Variants in MAD1L1 observed in about 807,000 individuals in gnomAD.
The protein encoded by MAD1L1 is mitotic arrest deficient 1 like 1.
In MAD1L1, 95 loss-of-function variants were observed where a neutral mutation model predicts 96.9. The ratio of observed to expected loss-of-function variants is 0.98; its 90% CI spans 0.83 to 1.16. MAD1L1 has a LOEUF of 1.16. Among genes scored for constraint, MAD1L1 ranks in the 50% most tolerant of loss-of-function variants. The pLI is 0.00. For synonymous variants in MAD1L1, 473 were observed against 396.6 expected, an observed-to-expected ratio of 1.19 and a Z score of -2.29; for missense variants, 1,007 against 954.4, an observed-to-expected ratio of 1.06 and a Z score of -0.73.
chr7:1,893,653 T>C (rs1786691279), intron 18 of MAD1L1, among the ~76,000 whole-genome samples: 2 of 152,080 alleles, frequency 1.3e-5, no homozygotes, highest in South Asian at 4.1e-4. Flanking sequence ...GCACACCTAG[T>C]GATGCTCAGC....
chr7:1,903,526 G>A (rs1452779554), intron 17 of MAD1L1, among the ~76,000 whole-genome samples: 1 of 146,214 alleles, frequency 6.8e-6, no homozygotes, highest in Non-Finnish European at 1.5e-5. Context: ...CGAGGACGCA[G>A]TGGCCTATGG....
At chr7:1,983,137 C>T (rs1403852533) in intron 14 of MAD1L1, among the ~76,000 whole-genome samples, 9 of 105,218 alleles carry the variant, frequency 8.6e-5, no homozygotes, top group South Asian at 2.8e-4. Flanking sequence ...CACAGACGCG[C>T]GCGCGCGCGC....
At chr7:2,060,395 G>A (rs982637592) in intron 12 of MAD1L1, among the ~76,000 whole-genome samples, 17 of 151,404 alleles carry the variant, frequency 1.1e-4, no homozygotes, top group African/African-American at 2.4e-4. Flanking sequence ...GTCAAGATAC[G>A]CTGATGCTGA....
intron 18 of MAD1L1, among the ~76,000 whole-genome samples, chr7:1,838,167 C>T (rs528871629): frequency 3.9e-5 from 6 of 152,336 alleles, no homozygotes; most frequent in African/African-American, 1.4e-4. Context: ...GGTTCACGGA[C>T]CCTCTAACCC....
chr7:2,066,026 A>G (rs1298220425), intron 12 of MAD1L1, among the ~76,000 whole-genome samples: 1 of 152,232 alleles, frequency 6.6e-6, no homozygotes, highest in African/African-American at 2.4e-5. Context: ...ACTGCTTAAA[A>G]TAGTCATGAT....
At chr7:2,062,447 C>G (rs1784703225) in intron 12 of MAD1L1, among the ~76,000 whole-genome samples, 1 of 151,738 alleles carries the variant, frequency 6.6e-6, no homozygotes, top group African/African-American at 2.4e-5. Flanking sequence ...TGGTGACGCA[C>G]ACCTATAATC....
In MAD1L1 at chr7:2,126,208, C is replaced by T. The variant is rs535711026; in HGVS notation, c.1073+22944G>A. Among the ~76,000 whole-genome samples the T allele has an allele frequency of 8.8e-4, 134 of 152,344 alleles. 1 individual carries two copies. Among genetic ancestry groups the T allele is most frequent in the African/African-American group, 2.9e-3 (122 of 41,578 alleles). On this transcript the variant is annotated intron_variant, in intron 11 of 18. Transcript: ENST00000265854. ...GGATGAAGGAGAGCGTCTCGGGAGC[C>T]GAGAGCAGACACAGGCAAGGCTCAG...
intron 12 of MAD1L1, among the ~76,000 whole-genome samples, chr7:2,056,051 T>C (rs1393012461): frequency 1.3e-5 from 2 of 152,244 alleles, no homozygotes; most frequent in East Asian, 3.8e-4. Context: ...GGGCAGTCTC[T>C]ATGCCACTCT....
chr7:2,026,287 G>A (rs1782992168), intron 12 of MAD1L1, among the ~76,000 whole-genome samples: 2 of 152,064 alleles, frequency 1.3e-5, no homozygotes. Flanking sequence ...ATTTATATGT[G>A]CCTAATAAAA....
At chr7:1,967,646 C>T (rs1442770120) in intron 15 of MAD1L1, among the ~76,000 whole-genome samples, 2 of 152,152 alleles carry the variant, frequency 1.3e-5, no homozygotes, top group African/African-American at 2.4e-5. Flanking sequence ...CCTGGAGGAA[C>T]GGATGATTGG....
At chr7:2,226,771 C>A (rs531206232) in intron 3 of MAD1L1, among the ~76,000 whole-genome samples, 1 of 152,302 alleles carries the variant, frequency 6.6e-6, no homozygotes, top group East Asian at 1.9e-4. Flanking sequence ...GGGTGGATCA[C>A]TTGAGGCCAG....
chr7:1,868,418 C>T (rs928349144), intron 18 of MAD1L1, among the ~76,000 whole-genome samples: 8 of 152,182 alleles, frequency 5.3e-5, no homozygotes, highest in Non-Finnish European at 8.8e-5. Context: ...CCGCGCCTCC[C>T]GGGCTGCGTG....
chr7:2,124,932 A>G (rs1225529972), intron 11 of MAD1L1, among the ~76,000 whole-genome samples: 1 of 152,168 alleles, frequency 6.6e-6, no homozygotes, highest in Admixed American at 6.5e-5. Flanking sequence ...GCGGCCTTCC[A>G]GCCCCAGGGC....
At chr7:2,025,218 T>C (rs542724225) in intron 12 of MAD1L1, among the ~76,000 whole-genome samples, 3 of 152,276 alleles carry the variant, frequency 2.0e-5, no homozygotes, top group Admixed American at 6.5e-5. Context: ...AATTAAAAAA[T>C]TATAGATCTA....
chr7:1,844,414 G>A (rs534744471), intron 18 of MAD1L1, among the ~76,000 whole-genome samples: 1 of 152,092 alleles, frequency 6.6e-6, no homozygotes, highest in Non-Finnish European at 1.5e-5. Flanking sequence ...GAGAGACGCC[G>A]GTTGGGTGCT....
chr7:1,867,909 T>C (rs1427349038), intron 18 of MAD1L1, among the ~76,000 whole-genome samples: 1 of 152,242 alleles, frequency 6.6e-6, no homozygotes, highest in Non-Finnish European at 1.5e-5. Context: ...AGCCACATAA[T>C]TAGAGCAGTG....
chr7:1,921,812 T>A (rs999439913), intron 17 of MAD1L1, among the ~76,000 whole-genome samples: 2 of 152,196 alleles, frequency 1.3e-5, no homozygotes, highest in Non-Finnish European at 1.5e-5. Context: ...CCTAGGGCAA[T>A]TGTTTAGTGA....
intron 13 of MAD1L1, 143 bp downstream of exon 13, chr7:2,014,359 G>T (rs760036256): frequency 1.9e-6 from 2 of 1,080,432 alleles, no homozygotes; most frequent in Non-Finnish European, 1.3e-6. Flanking sequence ...GCAGCCCGTG[G>T]ACACCCTCCC....
chr7:1,945,245 G>A lies in MAD1L1; in HGVS notation c.1597-8348C>T, dbSNP rs142037266. Among the ~76,000 whole-genome samples, 1,250 of 152,330 alleles carry A rather than the reference G, an allele frequency of 8.2e-3. 11 individuals carry two copies. Among genetic ancestry groups the A allele is most frequent in the Non-Finnish European group, 0.014 (935 of 68,020 alleles). ...ACTCATCTCAGTAGGCGTCCTCCAC[G>A]CCAGAAGTCCAGCTCCGCGGTGACA... is the stretch of plus-strand genomic sequence containing the variant. On this transcript the variant is annotated intron_variant, in intron 16 of 18. Coordinates refer to ENST00000265854, the MANE Select transcript of MAD1L1 (RefSeq NM_001013836.2).
Sources: gnomAD v4.1 joint callset for allele counts (sites outside exome capture counted in the v4.1 genomes callset) on GRCh38, gnomAD v4.1.1 for gene constraint, MANE v1.5 for transcripts, NCBI Gene and HGNC (gene_info 2026-07-23, HGNC 2026-07-21) for gene names.